Variants in PTPRD observed in about 807,000 individuals in gnomAD.
PTPRD encodes the protein receptor-type tyrosine-protein phosphatase delta.
PTPRD carries 34 observed loss-of-function variants against 214.5 expected under a neutral mutation model. The ratio of observed to expected loss-of-function variants is 0.16; its 90% CI spans 0.12 to 0.21. The LOEUF is 0.21. Ranked by LOEUF, PTPRD falls within the 10% of genes least tolerant of loss-of-function variation. PTPRD has a pLI of 1.00. For missense variants in PTPRD, 2,545 were observed against 2,398.7 expected, an observed-to-expected ratio of 1.06 and a Z score of -1.27; for synonymous variants, 1,128 against 845.7, an observed-to-expected ratio of 1.33 and a Z score of -5.79.
At chr9:9,324,275 G>T (rs1283750066) in intron 9 of PTPRD, among the ~76,000 whole-genome samples, 1 of 152,048 alleles carries the variant, frequency 6.6e-6, no homozygotes, top group Non-Finnish European at 1.5e-5. Flanking sequence ...ACTGTCTTCC[G>T]CAGTGGTTGA....
At chr9:9,766,300 C>G (rs925921429) in intron 6 of PTPRD, among the ~76,000 whole-genome samples, 1 of 152,160 alleles carries the variant, frequency 6.6e-6, no homozygotes, top group African/African-American at 2.4e-5. Context: ...TCCCCCCTAT[C>G]TTTCATGTAG....
chr9:8,940,273 CT>C (rs2099023382), intron 11 of PTPRD, among the ~76,000 whole-genome samples: 1 of 73,866 alleles, frequency 1.4e-5, no homozygotes, highest in Non-Finnish European at 2.8e-5. Context: ...CTCTCTCTCT[CT>C]CTCTCCTTTT....
intron 3 of PTPRD, among the ~76,000 whole-genome samples, chr9:10,279,652 A>G (rs78838335): frequency 1.3e-5 from 2 of 151,758 alleles, no homozygotes; most frequent in Non-Finnish European, 2.9e-5. Context: ...TTTATTAGGT[A>G]CCTAGGTACT....
chr9:10,175,319 G>A (rs10156419), intron 3 of PTPRD, among the ~76,000 whole-genome samples: 5 of 152,084 alleles, frequency 3.3e-5, no homozygotes, highest in South Asian at 2.1e-4. Flanking sequence ...GTCATGTTAA[G>A]AAAAAGCATC....
chr9:9,310,567 T>G (rs1392166911), intron 9 of PTPRD, among the ~76,000 whole-genome samples: 1 of 152,152 alleles, frequency 6.6e-6, no homozygotes, highest in Non-Finnish European at 1.5e-5. Flanking sequence ...TAATTTGAAA[T>G]GTATTTAATG....
intron 4 of PTPRD, among the ~76,000 whole-genome samples, chr9:9,959,194 G>C (rs1050450340): frequency 4.6e-5 from 7 of 152,138 alleles, no homozygotes; most frequent in Non-Finnish European, 8.8e-5. Context: ...TCAAGCCACA[G>C]TAATCTTAAA....
At chr9:10,567,537 G>A (rs931225392) in intron 2 of PTPRD, among the ~76,000 whole-genome samples, 2 of 152,060 alleles carry the variant, frequency 1.3e-5, no homozygotes, top group Non-Finnish European at 2.9e-5. Context: ...GGTTGTATTA[G>A]AGTGGGTGCT....
At chr9:10,285,851 C>T (rs957716001) in intron 3 of PTPRD, among the ~76,000 whole-genome samples, 79 of 151,860 alleles carry the variant, frequency 5.2e-4, no homozygotes, top group Admixed American at 2.0e-3. Flanking sequence ...CCTCGCGATC[C>T]GCCCGCCTCG....
chr9:8,841,944 G>A (rs1360958694), intron 11 of PTPRD, among the ~76,000 whole-genome samples: 1 of 151,828 alleles, frequency 6.6e-6, no homozygotes, highest in East Asian at 1.9e-4. Context: ...CCAGGAAGCA[G>A]AGGTTGCAGT....
intron 3 of PTPRD, among the ~76,000 whole-genome samples, chr9:10,217,263 T>G (rs1331137801): frequency 6.6e-6 from 1 of 151,774 alleles, no homozygotes; most frequent in African/African-American, 2.4e-5. Context: ...TACATTTTAT[T>G]GGCCTCTTCC....
intron 4 of PTPRD, among the ~76,000 whole-genome samples, chr9:10,024,808 G>A (rs1259131793): frequency 3.3e-5 from 4 of 120,474 alleles, no homozygotes; most frequent in Admixed American, 1.1e-4. Flanking sequence ...AGGCCCCAGT[G>A]TGTGATGTTC....
At chr9:8,322,001 C>A (rs976416967) in intron 44 of PTPRD, among the ~76,000 whole-genome samples, 4 of 147,420 alleles carry the variant, frequency 2.7e-5, no homozygotes, top group Admixed American at 1.4e-4. Flanking sequence ...CATACTATTA[C>A]ATCTGTTAAA....
chr9:9,305,728 G>A (rs1030012106), intron 9 of PTPRD, among the ~76,000 whole-genome samples: 19 of 152,138 alleles, frequency 1.2e-4, no homozygotes, highest in South Asian at 1.0e-3. Flanking sequence ...AGATAAATGA[G>A]AGAGAGAAAG....
chr9:8,491,684 G>T (rs1429376673), intron 27 of PTPRD, among the ~76,000 whole-genome samples: 1 of 143,388 alleles, frequency 7.0e-6, no homozygotes, highest in African/African-American at 2.6e-5. Context: ...AAAAAGCCCA[G>T]AAGACTCAGC....
At chr9:10,135,227 T>C (rs77688420) in intron 3 of PTPRD, among the ~76,000 whole-genome samples, 1 of 152,096 alleles carries the variant, frequency 6.6e-6, no homozygotes, top group African/African-American at 2.4e-5. Context: ...TACAGGATTA[T>C]GTATAGAAAT....
At chr9:9,676,549 C>T (rs2096934488) in intron 7 of PTPRD, among the ~76,000 whole-genome samples, 1 of 151,980 alleles carries the variant, frequency 6.6e-6, no homozygotes, top group Admixed American at 6.6e-5. Flanking sequence ...GGCTTGGTTC[C>T]AAGTCTTTGT....
At chr9:9,522,602 G>A (rs1223672189) in intron 8 of PTPRD, among the ~76,000 whole-genome samples, 2 of 151,908 alleles carry the variant, frequency 1.3e-5, no homozygotes, top group African/African-American at 2.4e-5. Flanking sequence ...TGAGAAACAA[G>A]AAAGAAAAAA....
rs563317902 is a variant in PTPRD at position 9,974,874 on chromosome 9, TTTCA to T, written c.-471-36268_-471-36265del. On this transcript the variant is annotated intron_variant, in intron 4 of 45. Coordinates refer to ENST00000381196, the MANE Select transcript of PTPRD (RefSeq NM_002839.4). The stretch of plus-strand genomic sequence containing the variant: ...CAGTGAGTGAGAACTTGCTGAGTTC[TTTCA>T]TTCAGTGGGAAAAGGGGAGAAAATG... Among the ~76,000 whole-genome samples, 26 of 152,308 alleles carry T rather than the reference TTTCA, an allele frequency of 1.7e-4. No homozygotes were observed. In the East Asian group the frequency reaches 5.0e-3, roughly 29 times the overall value.
At chr9:8,430,569 G>A (rs1312156041) in intron 35 of PTPRD, among the ~76,000 whole-genome samples, 2 of 151,968 alleles carry the variant, frequency 1.3e-5, no homozygotes, top group Non-Finnish European at 2.9e-5. Context: ...GAGCCACTGT[G>A]CCCAGCTGGG....
Sources: gnomAD v4.1 joint callset for allele counts (sites outside exome capture counted in the v4.1 genomes callset) on GRCh38, gnomAD v4.1.1 for gene constraint, MANE v1.5 for transcripts, NCBI Gene and HGNC (gene_info 2026-07-23, HGNC 2026-07-21) for gene names.